The following KCNJ6 variants were observed in gnomAD, a reference collection of about 807,000 sequenced individuals.
KCNJ6 encodes the protein potassium inwardly rectifying channel subfamily J member 6.
A neutral mutation model predicts 34.2 loss-of-function variants in KCNJ6; 9 were observed. That is an observed-to-expected ratio of 0.26 (90% CI 0.16 to 0.46). The LOEUF (loss-of-function observed/expected upper bound fraction) is 0.46, where lower values mean the gene tolerates loss of function less well. Among genes scored for constraint, KCNJ6 ranks in the 20% least tolerant of loss-of-function variants. The pLI, the probability that KCNJ6 is intolerant of heterozygous loss-of-function variation, is 1.00. For synonymous variants in KCNJ6, 196 were observed against 207.1 expected (o/e 0.95, Z 0.46); for missense variants, 236 against 531.3 (o/e 0.44, Z 5.46).
intron 3 of KCNJ6, among the ~76,000 whole-genome samples, chr21:37,656,320 C>T (rs58962649): frequency 0.15 from 23,524 of 152,160 alleles, 2,922 homozygotes; most frequent in African/African-American, 0.34. Flanking sequence ...CAGGCCTGGT[C>T]TGTGCATGCC....
chr21:37,620,726 T>A lies in KCNJ6; in HGVS notation c.*4433A>T, dbSNP rs1339470992. The A allele has an allele frequency of 6.6e-6, 1 of 152,188 alleles. No homozygotes were observed. 9.4% of individuals were successfully genotyped at this position (152,188 alleles called of 1,614,324 possible). On this transcript the variant is annotated 3_prime_UTR_variant, in exon 4 of 4. Coordinates refer to ENST00000609713, the MANE Select transcript of KCNJ6 (RefSeq NM_002240.5). ...GTAAATTATAATACTCAACCTCTCA[T>A]GGTGAATTAGAATGAAATAAGATAA...
At chr21:37,769,828 A>G (rs2055109188) in intron 2 of KCNJ6, among the ~76,000 whole-genome samples, 1 of 152,170 alleles carries the variant, frequency 6.6e-6, no homozygotes, top group Non-Finnish European at 1.5e-5. Flanking sequence ...TGCTTGCTAA[A>G]GAGGCTTCAT....
intron 2 of KCNJ6, among the ~76,000 whole-genome samples, chr21:37,804,410 T>C (rs983953627): frequency 2.0e-5 from 3 of 152,244 alleles, no homozygotes; most frequent in African/African-American, 7.2e-5. Context: ...ACTATTCTTT[T>C]TTAATTTTTA....
At chr21:37,809,941 C>T (rs1157004640) in intron 2 of KCNJ6, among the ~76,000 whole-genome samples, 1 of 152,256 alleles carries the variant, frequency 6.6e-6, no homozygotes, top group East Asian at 1.9e-4. Context: ...CAACCCACCA[C>T]CCCTGTCACT....
At chr21:37,784,931 G>C (rs1189741503) in intron 2 of KCNJ6, among the ~76,000 whole-genome samples, 1 of 152,122 alleles carries the variant, frequency 6.6e-6, no homozygotes, top group East Asian at 1.9e-4. Flanking sequence ...CCCCTCAAGG[G>C]TACAGGTGGC....
chr21:37,725,865 T>C (rs978963283), intron 2 of KCNJ6, among the ~76,000 whole-genome samples: 2 of 152,226 alleles, frequency 1.3e-5, no homozygotes, highest in Non-Finnish European at 2.9e-5. Context: ...CTTCAACTCT[T>C]TGCAAAGATT....
chr21:37,915,323 G>A (rs1355703534), intron 1 of KCNJ6, among the ~76,000 whole-genome samples: 3 of 152,010 alleles, frequency 2.0e-5, no homozygotes, highest in Admixed American at 1.3e-4. Context: ...ACTGTTTTTA[G>A]TCATGCTAGC....
intron 3 of KCNJ6, among the ~76,000 whole-genome samples, chr21:37,689,597 T>C (rs1161191936): frequency 6.6e-6 from 1 of 152,182 alleles, no homozygotes; most frequent in Non-Finnish European, 1.5e-5. Flanking sequence ...AGTAAATTTC[T>C]ATCTTCTCTC....
intron 3 of KCNJ6, among the ~76,000 whole-genome samples, chr21:37,700,485 T>C (rs1167915002): frequency 6.6e-6 from 1 of 152,178 alleles, no homozygotes; most frequent in African/African-American, 2.4e-5. Flanking sequence ...TCAGAAGCTA[T>C]TGAGAATCTC....
At chr21:37,811,652 G>C (rs537400949) in intron 2 of KCNJ6, among the ~76,000 whole-genome samples, 1 of 152,138 alleles carries the variant, frequency 6.6e-6, no homozygotes, top group East Asian at 1.9e-4. Flanking sequence ...TAATTAGCTA[G>C]AGCTTGTCCT....
intron 3 of KCNJ6, among the ~76,000 whole-genome samples, chr21:37,689,423 G>C (rs2054629771): frequency 6.6e-6 from 1 of 152,058 alleles, no homozygotes; most frequent in African/African-American, 2.4e-5. Context: ...TTTCCATCTT[G>C]TTTTCCTCTG....
intron 1 of KCNJ6, among the ~76,000 whole-genome samples, chr21:37,841,490 C>A (rs2055480681): frequency 6.6e-6 from 1 of 152,096 alleles, no homozygotes; most frequent in African/African-American, 2.4e-5. Context: ...TTCTGTGAAA[C>A]TAAAATATGT....
intron 1 of KCNJ6, among the ~76,000 whole-genome samples, chr21:37,904,538 T>A (rs1350803703): frequency 6.6e-6 from 1 of 152,164 alleles, no homozygotes; most frequent in Non-Finnish European, 1.5e-5. Flanking sequence ...CACTTATCAC[T>A]ATACTGAAGT....
chr21:37,644,904 C>T (rs988291768), intron 3 of KCNJ6, among the ~76,000 whole-genome samples: 1 of 152,020 alleles, frequency 6.6e-6, no homozygotes, highest in Non-Finnish European at 1.5e-5. Flanking sequence ...GCCCTCCCTC[C>T]TCACCTCCGC....
At chr21:37,842,020 T>TG (rs1391719675) in intron 1 of KCNJ6, among the ~76,000 whole-genome samples, 59 of 152,346 alleles carry the variant, frequency 3.9e-4, no homozygotes, top group African/African-American at 1.4e-3. Flanking sequence ...CCTGACAGTG[T>TG]ATAAAAGTGT....
At chr21:37,913,016 T>C (rs2055874128) in intron 1 of KCNJ6, among the ~76,000 whole-genome samples, 1 of 152,242 alleles carries the variant, frequency 6.6e-6, no homozygotes, top group Non-Finnish European at 1.5e-5. Flanking sequence ...TTGCCAAACC[T>C]TGACTGGGCT....
chr21:37,801,698 G>A (rs1330464745), intron 2 of KCNJ6, among the ~76,000 whole-genome samples: 1 of 151,998 alleles, frequency 6.6e-6, no homozygotes, highest in Non-Finnish European at 1.5e-5. Context: ...TGGGTGACTG[G>A]CTAAGGCATT....
intron 2 of KCNJ6, among the ~76,000 whole-genome samples, chr21:37,839,220 A>C (rs1289204506): frequency 4.6e-5 from 7 of 152,192 alleles, no homozygotes; most frequent in Non-Finnish European, 1.0e-4. Flanking sequence ...TTCAGTTTGC[A>C]AGACTACAGG....
intron 1 of KCNJ6, among the ~76,000 whole-genome samples, chr21:37,888,815 G>A (rs898765486): frequency 1.3e-5 from 2 of 152,212 alleles, no homozygotes; most frequent in Non-Finnish European, 2.9e-5. Context: ...GGAGTGACAG[G>A]TGGGGTGTGC....
Sources: gnomAD v4.1 joint callset for allele counts (sites outside exome capture counted in the v4.1 genomes callset) on GRCh38, gnomAD v4.1.1 for gene constraint, MANE v1.5 for transcripts, NCBI Gene and HGNC (gene_info 2026-07-23, HGNC 2026-07-21) for gene names.